Variants in ZNF385A observed in about 807,000 individuals in gnomAD.
ZNF385A encodes zinc finger protein 385A, also known as hematopoietic zinc finger protein.
A neutral mutation model predicts 32.1 loss-of-function variants in ZNF385A; 14 were observed. The ratio of observed to expected loss-of-function variants is 0.44; its 90% CI spans 0.29 to 0.68. The LOEUF is 0.68. Among genes scored for constraint, ZNF385A ranks in the 30% least tolerant of loss-of-function variants. The probability of loss-of-function intolerance (pLI) is 0.14; values close to 1 mark genes in which losing one functional copy is unlikely to be tolerated. For missense variants in ZNF385A, 406 were observed against 478.4 expected (o/e 0.85, Z 1.41); for synonymous variants, 197 against 202.7 (o/e 0.97, Z 0.24).
rs553313842 is a variant in ZNF385A at position 54,376,370 on chromosome 12, C to G, written c.88-416G>C. Among the ~76,000 whole-genome samples the G allele has an allele frequency of 1.7e-4, 26 of 152,264 alleles. No homozygotes were observed. The East Asian group carries it at 1.7e-3, about 10-fold the overall frequency. On this transcript the variant is annotated intron_variant, in intron 1 of 6. Coordinates refer to ENST00000394313, the MANE Select transcript of ZNF385A (RefSeq NM_015481.3). Reference sequence around the variant, plus strand: ...GCACCCTAGATCCTAGGGCCTTCAGCTGAAGCCTCTGAGCCCTTTGGGCCT... The same window carrying G: ...GCACCCTAGATCCTAGGGCCTTCAGGTGAAGCCTCTGAGCCCTTTGGGCCT...
intron 1 of ZNF385A, among the ~76,000 whole-genome samples, chr12:54,378,446 C>T (rs1429204834): frequency 6.6e-6 from 1 of 152,150 alleles, no homozygotes; most frequent in Non-Finnish European, 1.5e-5. Context: ...GGGAACCGCT[C>T]CCTGACGCTG....
chr12:54,380,908 CA>C, intron 1 of ZNF385A, among the ~76,000 whole-genome samples: 1 of 152,128 alleles, frequency 6.6e-6, no homozygotes, highest in South Asian at 2.1e-4. Flanking sequence ...ACTAAAAATA[CA>C]AAAATTGGCC....
rs1262547046 is a variant in ZNF385A, at chr12:54,370,345, G to A, written c.1012C>T (p.Gln338Ter). 6.7e-7 allele frequency: 1 copy of A among 1,503,500 alleles called. No individual in the cohort carries two copies. The highest frequency in any genetic ancestry group is 8.9e-7 in the Non-Finnish European group (1 of 1,125,130). 93.1% of individuals were successfully genotyped at this position (1,503,500 alleles called of 1,614,324 possible). ...LRPAPAAPLLQGPPITHPLLH... is the reference protein window; with the variant it reads ...LRPAPAAPLL ...AGAGGGTGAGTGATCGGCGGTCCCT[G>A]GAGAAGAGGTGCGGCTGGAGCCGGG... The change falls in exon 7 of 7, where the codon CAG becomes TAG. Residue 338 changes from glutamine to a stop codon, truncating the protein, a stop_gained. Transcript: ENST00000394313. LOFTEE classifies it low-confidence loss of function (END_TRUNC). The surrounding 1 kb of genome is among the most constrained non-coding windows in gnomAD (Gnocchi z 5.5).
At chr12:54,372,287 G>A (rs1954592141) in intron 3 of ZNF385A, among the ~76,000 whole-genome samples, 1 of 152,202 alleles carries the variant, frequency 6.6e-6, no homozygotes, top group African/African-American at 2.4e-5. Context: ...CTCAGTGCTG[G>A]GTTCTGGCCT....
Position 54,371,650 on chromosome 12 carries a change from G to C in ZNF385A, c.427C>G (p.Pro143Ala). ...SPEKQPGSPSPPSIPETGQGV... is the reference protein window; with the variant it reads ...SPEKQPGSPSAPSIPETGQGV... ...TGACCAGTCTCCGGAATGCTGGGAGGGGATGGGGAGCCAGGCTGTTTCTCT... is the reference window on the plus strand; with the variant it reads ...TGACCAGTCTCCGGAATGCTGGGAGCGGATGGGGAGCCAGGCTGTTTCTCT... Residue 143 changes from proline to alanine, a missense_variant, in exon 4 of 7, where the codon CCT becomes GCT. Pro to Ala is a conservative substitution (Grantham distance 27). Transcript: ENST00000394313. 6.2e-7 allele frequency: 1 copy of C among 1,610,812 alleles called. No homozygotes were observed. The highest frequency in any genetic ancestry group is 8.5e-7 in the Non-Finnish European group (1 of 1,178,988).
At chr12:54,378,920 C>T in intron 1 of ZNF385A, 1 of 357,072 alleles carries the variant, frequency 2.8e-6, no homozygotes. Context: ...TGGTTAGGGC[C>T]GCGCCGATGT....
upstream of ZNF385A, chr12:54,384,826 T>G: frequency 8.3e-7 from 1 of 1,205,452 alleles, no homozygotes. Context: ...CCAAACTCCT[T>G]AGGCACATTA....
chr12:54,373,298 T>C (rs992904304), intron 3 of ZNF385A, among the ~76,000 whole-genome samples: 3 of 152,090 alleles, frequency 2.0e-5, no homozygotes, highest in Non-Finnish European at 2.9e-5. Context: ...TTGGCCATGA[T>C]TGACATCCGA....
intron 1 of ZNF385A, among the ~76,000 whole-genome samples, chr12:54,381,801 C>T (rs1955195369): frequency 6.6e-6 from 1 of 152,172 alleles, no homozygotes; most frequent in Non-Finnish European, 1.5e-5. Context: ...CCTTTTTCCT[C>T]TGCTCTCTGT....
At chr12:54,390,800 T>G (rs923542737) in intron 1 of ZNF385A, among the ~76,000 whole-genome samples, 1 of 150,606 alleles carries the variant, frequency 6.6e-6, no homozygotes, top group Non-Finnish European at 1.5e-5. Flanking sequence ...TTCCCCCTTA[T>G]CCTGGGCCCA....
intron 2 of ZNF385A, among the ~76,000 whole-genome samples, chr12:54,374,967 G>T (rs927610950): frequency 1.3e-5 from 2 of 152,246 alleles, no homozygotes; most frequent in South Asian, 4.1e-4. Context: ...GAGGCACAGG[G>T]TCACCCAGAC....
At chr12:54,379,916 C>T (rs1031297035) in intron 1 of ZNF385A, among the ~76,000 whole-genome samples, 1 of 152,228 alleles carries the variant, frequency 6.6e-6, no homozygotes, top group East Asian at 1.9e-4. Context: ...CCCCAGACAC[C>T]TCGTTCTGTC....
At chr12:54,388,761 C>T (rs1399670776), upstream of ZNF385A, among the ~76,000 whole-genome samples, 2 of 152,172 alleles carry the variant, frequency 1.3e-5, no homozygotes, top group East Asian at 3.9e-4. Context: ...TTTGGCCTTT[C>T]CTCCCTCCCC....
At chr12:54,371,340 G>T in intron 4 of ZNF385A, 133 bp downstream of exon 4, 1 of 1,274,838 alleles carries the variant, frequency 7.8e-7, no homozygotes, top group Non-Finnish European at 1.1e-6. Context: ...GGAGATGGCT[G>T]GAGAAGGAGA....
At chr12:54,371,398 C>G (rs998104734) in intron 4 of ZNF385A, 75 bp downstream of exon 4, 5 of 1,549,868 alleles carry the variant, frequency 3.2e-6, no homozygotes, top group Non-Finnish European at 4.3e-6. Context: ...ATGTTGGAAG[C>G]CAGGGGCATT....
intron 1 of ZNF385A, among the ~76,000 whole-genome samples, chr12:54,377,554 T>C: frequency 6.6e-6 from 1 of 152,184 alleles, no homozygotes; most frequent in East Asian, 1.9e-4. Context: ...GGGGCTTTGA[T>C]GGCACCATGA....
chr12:54,389,516 T>C (rs1375979323), upstream of ZNF385A, among the ~76,000 whole-genome samples: 1 of 152,220 alleles, frequency 6.6e-6, no homozygotes. Context: ...CTTGTGGCTG[T>C]GGTCCAGTTT....
At chr12:54,379,081 G>A (rs1465944988) in intron 1 of ZNF385A, 2 of 983,494 alleles carry the variant, frequency 2.0e-6, no homozygotes, top group African/African-American at 1.8e-5. Context: ...GAGACCCTGG[G>A]GGCCGCGGCT....
intron 1 of ZNF385A, among the ~76,000 whole-genome samples, chr12:54,390,474 G>T (rs1360737013): frequency 6.6e-6 from 1 of 151,740 alleles, no homozygotes; most frequent in Non-Finnish European, 1.5e-5. Flanking sequence ...TGGTGCCCCC[G>T]GCCCAAGGCA....
Sources: allele counts gnomAD v4.1 joint callset (sites outside exome capture counted in the v4.1 genomes callset), GRCh38; gene constraint gnomAD v4.1.1; non-coding constraint Gnocchi (gnomAD v3.1); transcripts MANE v1.5; gene names NCBI Gene and HGNC (gene_info 2026-07-23, HGNC 2026-07-21).